ADAMTS14: variants seen among roughly 807,000 people sequenced by gnomAD.
ADAMTS14 encodes the protein ADAM metallopeptidase with thrombospondin type 1 motif 14.
A neutral mutation model predicts 128.6 loss-of-function variants in ADAMTS14; 100 were observed. That is an observed-to-expected ratio of 0.78 (90% confidence interval 0.66 to 0.92). The LOEUF (loss-of-function observed/expected upper bound fraction) is 0.92. ADAMTS14 is among the 40% of genes least tolerant of loss of function. ADAMTS14 has a pLI of 0.00. For missense variants in ADAMTS14, 1,562 were observed against 1,658.6 expected (o/e 0.94, Z 1.01); for synonymous variants, 665 against 653.8 (o/e 1.02, Z -0.26).
At chr10:70,677,740 C>G (rs539357693) in intron 2 of ADAMTS14, among the ~76,000 whole-genome samples, 1 of 152,166 alleles carries the variant, frequency 6.6e-6, no homozygotes, top group East Asian at 1.9e-4. Context: ...CCACTGGGGC[C>G]GCCGGCACAG....
chr10:70,760,249 C>G, intron 21 of ADAMTS14, 111 bp from the exon 22 acceptor site: 1 of 1,403,430 alleles, frequency 7.1e-7, no homozygotes, highest in Non-Finnish European at 9.5e-7. Context: ...GTGGGTCCAG[C>G]AGGGGCAGGG....
chr10:70,729,327 G>T lies in ADAMTS14; in HGVS notation c.904G>T (p.Val302Phe), dbSNP rs140471498. Residue 302 changes from valine to phenylalanine, a missense_variant, in exon 5 of 22, where the codon GTT becomes TTT. Coordinates refer to ENST00000373207, the MANE Select transcript of ADAMTS14 (RefSeq NM_080722.4). ...DEIYHDESLG[V>F]HINIALVRLI... ...GATTTACCACGATGAGTCCCTGGGG[G>T]TTCATATAAATATTGCCCTCGTCCG... The T allele has an allele frequency of 6.8e-6, 11 of 1,613,958 alleles. No individual in the cohort carries two copies. Among genetic ancestry groups the T allele is most frequent in the South Asian group, 6.6e-5 (6 of 91,062 alleles).
intron 4 of ADAMTS14, among the ~76,000 whole-genome samples, chr10:70,717,486 A>T (rs1841095182): frequency 6.6e-6 from 1 of 152,098 alleles, no homozygotes; most frequent in Non-Finnish European, 1.5e-5. Flanking sequence ...GTGTGGCGGG[A>T]TGGCTGGCAA....
chr10:70,715,338 T>C (rs1190958521), intron 4 of ADAMTS14, among the ~76,000 whole-genome samples: 1 of 152,140 alleles, frequency 6.6e-6, no homozygotes. Context: ...GGAGTGCTTG[T>C]ATGCATGTAT....
chr10:70,749,682 G>C, intron 15 of ADAMTS14, 140 bp from the exon 16 acceptor site: 2 of 1,010,268 alleles, frequency 2.0e-6, no homozygotes, highest in East Asian at 5.3e-5. Context: ...TGTCTGACTC[G>C]GGAGGGCTTG....
At chr10:70,729,117 CG>C (rs141395304) in intron 4 of ADAMTS14, among the ~76,000 whole-genome samples, 176 bp from the exon 5 acceptor site, 2,003 of 152,150 alleles carry the variant, frequency 0.013, 46 homozygotes, top group African/African-American at 0.046. Context: ...AGTGTGTCCT[CG>C]GGCAGGTCAT....
intron 4 of ADAMTS14, among the ~76,000 whole-genome samples, chr10:70,712,283 G>A (rs1466876331): frequency 2.0e-5 from 3 of 152,196 alleles, no homozygotes; most frequent in Non-Finnish European, 4.4e-5. Flanking sequence ...GGAGACCTCA[G>A]GATGCCCAAG....
intron 10 of ADAMTS14, among the ~76,000 whole-genome samples, chr10:70,737,190 T>A (rs1214732863): frequency 6.6e-6 from 1 of 152,152 alleles, no homozygotes; most frequent in Non-Finnish European, 1.5e-5. Context: ...GTGTCCTGCC[T>A]ACTCCCCCAC....
At chr10:70,726,525 G>T (rs1431382848) in intron 4 of ADAMTS14, among the ~76,000 whole-genome samples, 1 of 152,226 alleles carries the variant, frequency 6.6e-6, no homozygotes, top group Non-Finnish European at 1.5e-5. Context: ...GTGGGACACA[G>T]ATGTGGCTGT....
intron 19 of ADAMTS14, 111 bp from the exon 20 acceptor site, chr10:70,757,851 C>G (rs1842512907): frequency 6.9e-7 from 1 of 1,457,234 alleles, no homozygotes; most frequent in East Asian, 2.3e-5. Context: ...CTCCTTTGTA[C>G]CCTTTCTGTC....
chr10:70,760,881 T>C lies in ADAMTS14; in HGVS notation c.*28T>C. 2 of 1,542,794 alleles carry C rather than the reference T, an allele frequency of 1.3e-6. No homozygotes were observed. Among genetic ancestry groups the C allele is most frequent in the Non-Finnish European group, 1.7e-6 (2 of 1,142,940 alleles). On this transcript the variant is annotated 3_prime_UTR_variant, in exon 22 of 22. Transcript: ENST00000373207. The stretch of plus-strand genomic sequence containing the variant: ...TGTGCCCTGCCATCCCACTGGCACG[T>C]TTACACTCTGTGTACTGCCCCGTGA...
intron 4 of ADAMTS14, among the ~76,000 whole-genome samples, chr10:70,712,349 G>A (rs1238141049): frequency 6.6e-6 from 1 of 152,236 alleles, no homozygotes; most frequent in Non-Finnish European, 1.5e-5. Context: ...CCCCAGGACT[G>A]TAAGCCAAGC....
chr10:70,717,630 C>A (rs1019288387), intron 4 of ADAMTS14, among the ~76,000 whole-genome samples: 7 of 152,232 alleles, frequency 4.6e-5, no homozygotes, highest in African/African-American at 1.4e-4. Flanking sequence ...GGGGCGAGGA[C>A]CTCTTTGGAC....
chr10:70,686,216 T>A (rs1168607540), intron 2 of ADAMTS14, among the ~76,000 whole-genome samples: 1 of 151,760 alleles, frequency 6.6e-6, no homozygotes, highest in East Asian at 1.9e-4. Flanking sequence ...TAGGACCAAG[T>A]TGGTCTGAAT....
chr10:70,741,159 G>A lies in ADAMTS14; in HGVS notation c.1921G>A (p.Asp641Asn), dbSNP rs753913147. ...KHSWVPYEPD[D>N]DAQKCELICQ... is the part of the protein sequence containing the mutation. Reference sequence around the variant, plus strand: ...CAGCTGGGTGCCCTACGAGCCTGACGATGGTGAGTGGGCCCCACCCCCCTC... The same window carrying A: ...CAGCTGGGTGCCCTACGAGCCTGACAATGGTGAGTGGGCCCCACCCCCCTC... Residue 641 changes from aspartate to asparagine, a missense_variant, in exon 12 of 22, where the codon GAT becomes AAT. By Grantham distance (23) the Asp-to-Asn change is conservative. Transcript: ENST00000373207. The A allele has an allele frequency of 1.2e-5, 19 of 1,612,140 alleles. 1 individual carries two copies. Among genetic ancestry groups the A allele is most frequent in the Admixed American group, 1.2e-4 (7 of 59,994 alleles).
chr10:70,687,987 C>T lies in ADAMTS14; in HGVS notation c.522+12992C>T, dbSNP rs1172368227. Among the ~76,000 whole-genome samples, 2 of 70,320 alleles carry T rather than the reference C, an allele frequency of 2.8e-5. 1 individual carries two copies. The highest frequency in any genetic ancestry group is 5.9e-5 in the Non-Finnish European group (2 of 33,626). The allele number at this position is 70,320 out of a possible 152,430, so 46.1% of individuals were successfully genotyped here. On this transcript the variant is annotated intron_variant, in intron 2 of 21. Transcript: ENST00000373207. ...CTGACCCCCCCCCCGACCTCCCTCC[C>T]GGACGGGGTGGCTGCCGGGCGGAGA...
chr10:70,694,326 C>T (rs1167969874), intron 2 of ADAMTS14, among the ~76,000 whole-genome samples: 1 of 152,212 alleles, frequency 6.6e-6, no homozygotes, highest in African/African-American at 2.4e-5. Context: ...TGTTTCTCGT[C>T]TCCATGCATG....
chr10:70,686,274 C>CTTTTTTTTTTT (rs5785998), intron 2 of ADAMTS14, among the ~76,000 whole-genome samples: 2 of 125,334 alleles, frequency 1.6e-5, no homozygotes, highest in Non-Finnish European at 1.7e-5. Flanking sequence ...TCAGCCTTTG[C>CTTTTTTTTTTT]TTTTTTTTTT....
At chr10:70,728,744 C>G (rs1841524121) in intron 4 of ADAMTS14, among the ~76,000 whole-genome samples, 1 of 152,200 alleles carries the variant, frequency 6.6e-6, no homozygotes, top group South Asian at 2.1e-4. Flanking sequence ...ATTCAGGAGG[C>G]CTGGGGTGGG....
Sources: allele counts gnomAD v4.1 joint callset (sites outside exome capture counted in the v4.1 genomes callset), GRCh38; gene constraint gnomAD v4.1.1; transcripts MANE v1.5; gene names NCBI Gene and HGNC (gene_info 2026-07-23, HGNC 2026-07-21).